The following ASAP1 variants were observed in gnomAD, a reference collection of about 807,000 sequenced individuals.
ASAP1 encodes the protein ArfGAP with SH3 domain, ankyrin repeat and PH domain 1.
A neutral mutation model predicts 145.2 loss-of-function variants in ASAP1; 43 were observed. That is an observed-to-expected ratio of 0.30 (90% CI 0.23 to 0.38). ASAP1 has a LOEUF of 0.38. Ranked by LOEUF, ASAP1 falls within the 10% of genes least tolerant of loss-of-function variation. The probability of loss-of-function intolerance (pLI) is 1.00; values close to 1 mark genes in which losing one functional copy is unlikely to be tolerated. For synonymous variants in ASAP1, 546 were observed against 515.5 expected (o/e 1.06, Z -0.80); for missense variants, 1,018 against 1,355.3 (o/e 0.75, Z 3.91).
In ASAP1 at chr8:130,286,477, T is replaced by C. The variant is rs185160878; in HGVS notation, c.187-49483A>G. ...GCAGCTAGAGAACTCCTTCATGTAC[T>C]GATGGAGTTGTAGTTACAGAGGGTG... On this transcript the variant is annotated intron_variant, in intron 3 of 29. Coordinates refer to ENST00000518721, the MANE Select transcript of ASAP1 (RefSeq NM_018482.4). 3.0e-3 allele frequency among the ~76,000 whole-genome samples: 463 copies of C among 152,306 alleles called. 1 individual carries two copies. Among genetic ancestry groups the C allele is most frequent in the Middle Eastern group, 6.8e-3 (2 of 294 alleles).
At chr8:130,163,742 T>A (rs145703543) in intron 11 of ASAP1, among the ~76,000 whole-genome samples, 84 of 152,364 alleles carry the variant, frequency 5.5e-4, no homozygotes, top group African/African-American at 2.0e-3. Context: ...AAATAGGTTC[T>A]GAATCCTTTG....
At chr8:130,121,759 A>AG (rs1439856354) in intron 18 of ASAP1, among the ~76,000 whole-genome samples, 1 of 131,738 alleles carries the variant, frequency 7.6e-6, no homozygotes, top group African/African-American at 2.8e-5. Flanking sequence ...ACTCCAGCCT[A>AG]GGCTATGAGA....
Position 130,292,171 on chromosome 8 carries a change from C to CA in ASAP1, c.187-55178dup, listed in dbSNP as rs142594747. ...ACTATAGGGAAAAAGAAAAGAAAGG[C>CA]AAAAAACAAAGTCTGAATCATGCAT... is the stretch of plus-strand genomic sequence containing the variant. On this transcript the variant is annotated intron_variant, in intron 3 of 29. Transcript: ENST00000518721. 3.0e-3 allele frequency among the ~76,000 whole-genome samples: 455 copies of CA among 152,178 alleles called. 2 individuals are homozygous for CA. The highest frequency in any genetic ancestry group is 0.01 in the African/African-American group (425 of 41,530).
chr8:130,360,072 CA>C (rs1432044437), intron 2 of ASAP1, among the ~76,000 whole-genome samples: 1 of 152,236 alleles, frequency 6.6e-6, no homozygotes, highest in African/African-American at 2.4e-5. Context: ...CATTAACTCT[CA>C]AATATTTACT....
chr8:130,137,557 A>C (rs1205013461), intron 13 of ASAP1, among the ~76,000 whole-genome samples: 1 of 152,168 alleles, frequency 6.6e-6, no homozygotes, highest in Admixed American at 6.5e-5. Context: ...CCCGGTAATC[A>C]ATCATCCCCA....
chr8:130,088,536 C>T (rs6982831), intron 25 of ASAP1, among the ~76,000 whole-genome samples: 3,037 of 152,290 alleles, frequency 0.02, 47 homozygotes, highest in East Asian at 0.053. Context: ...CACCACTCCA[C>T]GGATCACCTG....
At chr8:130,351,450 G>T (rs1425146149) in intron 3 of ASAP1, among the ~76,000 whole-genome samples, 1 of 152,142 alleles carries the variant, frequency 6.6e-6, no homozygotes, top group African/African-American at 2.4e-5. Context: ...TATATATAAG[G>T]TGTGTTAGGC....
chr8:130,264,773 G>A (rs978270974), intron 3 of ASAP1, among the ~76,000 whole-genome samples: 8 of 152,088 alleles, frequency 5.3e-5, no homozygotes, highest in African/African-American at 1.9e-4. Flanking sequence ...GACAGTGCTG[G>A]TGCATCACAA....
intron 3 of ASAP1, among the ~76,000 whole-genome samples, chr8:130,239,731 G>A (rs1818414990): frequency 6.6e-6 from 1 of 152,112 alleles, no homozygotes; most frequent in Non-Finnish European, 1.5e-5. Flanking sequence ...TTTTTGTGAT[G>A]TCATTGTTTT....
chr8:130,251,941 G>T (rs1399103905), intron 3 of ASAP1, among the ~76,000 whole-genome samples: 1 of 152,160 alleles, frequency 6.6e-6, no homozygotes, highest in African/African-American at 2.4e-5. Flanking sequence ...TATATTTCAA[G>T]TCACAAAACC....
chr8:130,282,369 G>C (rs1288367888), intron 3 of ASAP1, among the ~76,000 whole-genome samples: 1 of 152,122 alleles, frequency 6.6e-6, no homozygotes, highest in Non-Finnish European at 1.5e-5. Context: ...AATCGCTTTT[G>C]CATTTGTATA....
chr8:130,196,867 A>G (rs1297390723), intron 5 of ASAP1, among the ~76,000 whole-genome samples: 1 of 152,226 alleles, frequency 6.6e-6, no homozygotes, highest in Non-Finnish European at 1.5e-5. Flanking sequence ...TAACTCCTTC[A>G]TGCCCTACAG....
chr8:130,152,926 C>T, intron 12 of ASAP1, 121 bp from the exon 13 acceptor site: 1 of 682,110 alleles, frequency 1.5e-6, no homozygotes, highest in Non-Finnish European at 2.2e-6. Context: ...AAATCCAACC[C>T]CCCCAAAAAA....
intron 13 of ASAP1, among the ~76,000 whole-genome samples, chr8:130,148,750 T>C (rs1249352779): frequency 6.6e-6 from 1 of 152,200 alleles, no homozygotes; most frequent in Non-Finnish European, 1.5e-5. Flanking sequence ...ACAATACTTT[T>C]AGTTAGAAAA....
intron 3 of ASAP1, among the ~76,000 whole-genome samples, chr8:130,311,409 T>C (rs552979894): frequency 1.3e-5 from 2 of 152,368 alleles, no homozygotes; most frequent in South Asian, 2.1e-4. Flanking sequence ...ATTCTATCTT[T>C]TCCTAGTCTT....
chr8:130,172,766 T>C (rs1430370780), intron 9 of ASAP1, among the ~76,000 whole-genome samples: 2 of 152,210 alleles, frequency 1.3e-5, no homozygotes, highest in Non-Finnish European at 2.9e-5. Context: ...GAACACATTA[T>C]AAATTTTAGG....
intron 23 of ASAP1, among the ~76,000 whole-genome samples, chr8:130,114,097 A>G (rs1301099793): frequency 6.6e-6 from 1 of 152,196 alleles, no homozygotes; most frequent in Non-Finnish European, 1.5e-5. Flanking sequence ...CTTTCAATAA[A>G]GATGATCTGA....
intron 27 of ASAP1, among the ~76,000 whole-genome samples, chr8:130,062,589 C>G (rs1217107163): frequency 6.6e-6 from 1 of 152,150 alleles, no homozygotes; most frequent in Admixed American, 6.6e-5. Flanking sequence ...GCTAGAAAGG[C>G]CTTGGCTGTG....
chr8:130,219,785 T>C (rs1817181537), intron 4 of ASAP1, among the ~76,000 whole-genome samples: 1 of 152,226 alleles, frequency 6.6e-6, no homozygotes, highest in Admixed American at 6.5e-5. Flanking sequence ...GAAGGCAAGA[T>C]AATTGTTTTG....
Sources: gnomAD v4.1 joint callset for allele counts (sites outside exome capture counted in the v4.1 genomes callset) on GRCh38, gnomAD v4.1.1 for gene constraint, MANE v1.5 for transcripts, NCBI Gene and HGNC (gene_info 2026-07-23, HGNC 2026-07-21) for gene names.